The following KIF4A variants were observed in gnomAD, a reference collection of about 807,000 sequenced individuals.
The protein encoded by KIF4A is chromosome-associated kinesin KIF4A.
KIF4A carries 7 observed loss-of-function variants against 105.9 expected under a neutral mutation model. The observed-to-expected ratio is 0.07, with a 90% CI of 0.04 to 0.12. KIF4A has a LOEUF of 0.12. KIF4A is among the 10% of genes least tolerant of loss of function. The probability of loss-of-function intolerance (pLI) is 1.00; values close to 1 mark genes in which losing one functional copy is unlikely to be tolerated. For synonymous variants in KIF4A, 281 were observed against 331.3 expected (o/e 0.85, Z 1.65); for missense variants, 558 against 929.2 (o/e 0.60, Z 5.19).
chrX:70,368,291 G>A (rs1157701226), intron 15 of KIF4A, among the ~76,000 whole-genome samples: 2 of 112,275 alleles, frequency 1.8e-5, no homozygotes, highest in African/African-American at 6.5e-5. Context: ...TTGCTGGTGA[G>A]GAGCTGCGTT....
intron 9 of KIF4A, among the ~76,000 whole-genome samples, chrX:70,332,541 C>T (rs1040635039): frequency 9.0e-6 from 1 of 111,491 alleles, no homozygotes. Flanking sequence ...GTGTATTATT[C>T]TCTCAAACTT....
At chrX:70,345,463 CAA>C (rs761709179) in intron 13 of KIF4A, among the ~76,000 whole-genome samples, 12 of 59,962 alleles carry the variant, frequency 2.0e-4, no homozygotes, top group Admixed American at 5.8e-4. Context: ...GACTTCATCT[CAA>C]AAAAAAAAAA....
At chrX:70,390,723 G>A (rs898982398) in intron 20 of KIF4A, among the ~76,000 whole-genome samples, 1 of 111,543 alleles carries the variant, frequency 9.0e-6, no homozygotes, top group Admixed American at 9.6e-5. Context: ...CAACAATCAA[G>A]ATACAGAATA....
At chrX:70,333,207 C>T (rs1339146000) in intron 9 of KIF4A, among the ~76,000 whole-genome samples, 11 of 107,913 alleles carry the variant, frequency 1.0e-4, no homozygotes, top group Admixed American at 2.0e-4. Context: ...GGTGTGTTGG[C>T]GGGCGCCTGT....
At chrX:70,374,334 C>G in intron 16 of KIF4A, 80 bp downstream of exon 16, 1 of 570,564 alleles carries the variant, frequency 1.8e-6, no homozygotes. Flanking sequence ...AAGTAGAAGT[C>G]CCATTTACTG....
At chrX:70,406,870 C>G in intron 27 of KIF4A, 23 bp from the exon 28 acceptor site, 1 of 1,202,442 alleles carries the variant, frequency 8.3e-7, no homozygotes, top group Non-Finnish European at 1.1e-6. Context: ...AATAACTAAA[C>G]TACTCCAAAC....
At chrX:70,341,776 A>C (rs772463726) in intron 10 of KIF4A, 23 bp from the exon 11 acceptor site, 1 of 1,192,733 alleles carries the variant, frequency 8.4e-7, no homozygotes, top group East Asian at 3.0e-5. Context: ...TATTTTTCTA[A>C]TATGTTATTT....
At chrX:70,336,006 G>T (rs1217684605) in intron 10 of KIF4A, among the ~76,000 whole-genome samples, 1 of 111,392 alleles carries the variant, frequency 9.0e-6, no homozygotes, top group Non-Finnish European at 1.9e-5. Context: ...TTAGTTTCTG[G>T]TTTAGCCTTC....
intron 18 of KIF4A, among the ~76,000 whole-genome samples, chrX:70,382,562 A>G (rs750916247): frequency 8.9e-6 from 1 of 112,665 alleles, no homozygotes; most frequent in South Asian, 3.6e-4. Context: ...TTAGACAATG[A>G]TTTCTTAGAT....
rs1269671128 is a variant in KIF4A at position 70,371,812 on chromosome X, C to T, written c.1675-2339C>T. ...GGGGCTCCTCACTTCTCAGATGGGG[C>T]GGCTGCCGGGCGGAGGGGCTCCTCA... On this transcript the variant is annotated intron_variant, in intron 15 of 30. Transcript: ENST00000374403. Among the ~76,000 whole-genome samples the T allele has an allele frequency of 2.7e-4, 27 of 100,771 alleles. 1 individual carries two copies. The highest frequency in any genetic ancestry group is 6.8e-4 in the East Asian group (2 of 2,948). 87.5% of individuals were successfully genotyped at this position (100,771 alleles called of 115,157 possible).
intron 3 of KIF4A, 148 bp from the exon 4 acceptor site, chrX:70,296,850 G>A: frequency 1.6e-6 from 1 of 625,071 alleles, no homozygotes; most frequent in Non-Finnish European, 2.4e-6. Flanking sequence ...GGTACCCACA[G>A]AACTTTTCTT....
At chrX:70,405,732 C>T in intron 25 of KIF4A, 96 bp from the exon 26 acceptor site, 1 of 614,260 alleles carries the variant, frequency 1.6e-6, no homozygotes, top group Non-Finnish European at 2.7e-6. Flanking sequence ...CTGCCAGCAA[C>T]TTGGCAGCAG....
chrX:70,339,145 G>T lies in KIF4A; in HGVS notation c.1134-2654G>T, dbSNP rs183757622. ...CATGTTTTCTTCTAGTAATAATGTC[G>T]TTTTATGTTTTACATTTCATTTTGG... On this transcript the variant is annotated intron_variant, in intron 10 of 30. Coordinates refer to ENST00000374403, the MANE Select transcript of KIF4A (RefSeq NM_012310.5). Among the ~76,000 whole-genome samples, 215 of 109,145 alleles carry T rather than the reference G, an allele frequency of 2.0e-3. 2 individuals are homozygous for T. Among genetic ancestry groups the T allele is most frequent in the Middle Eastern group, 4.8e-3 (1 of 209 alleles). The allele number at this position is 109,145 out of a possible 115,157, so 94.8% of individuals were successfully genotyped here.
intron 3 of KIF4A, among the ~76,000 whole-genome samples, chrX:70,295,831 C>T (rs938321258): frequency 5.6e-5 from 6 of 107,098 alleles, no homozygotes; most frequent in Non-Finnish European, 1.2e-4. Context: ...GCAGGAGAAT[C>T]GCTTGAACCC....
intron 15 of KIF4A, among the ~76,000 whole-genome samples, 172 bp from the exon 16 acceptor site, chrX:70,373,979 A>G (rs1032523741): frequency 2.8e-5 from 3 of 106,259 alleles, no homozygotes; most frequent in Middle Eastern, 4.8e-3. Context: ...CAGATTCCAA[A>G]CATTTCCTAC....
chrX:70,419,538 A>G lies in KIF4A; in HGVS notation c.3373-123A>G, dbSNP rs1308316814. The stretch of plus-strand genomic sequence containing the variant: ...TGACCTCCCCAAGCAGGGCCTCCCT[A>G]AGACTTGCTTCAGCTGACTAATCAG... On this transcript the variant is annotated intron_variant, in intron 29 of 30. Coordinates refer to ENST00000374403, the MANE Select transcript of KIF4A (RefSeq NM_012310.5). 3.5e-6 allele frequency: 3 copies of G among 851,349 alleles called. No individual in the cohort carries two copies. In the African/African-American group the frequency reaches 6.0e-5, roughly 17 times the overall value. 70.2% of individuals were successfully genotyped at this position (851,349 alleles called of 1,213,427 possible). A position where few individuals can be genotyped will look rare whatever the true frequency, so the allele number is the denominator to read the frequency against.
At chrX:70,362,395 G>A in intron 15 of KIF4A, 1 of 210,827 alleles carries the variant, frequency 4.7e-6, no homozygotes, top group South Asian at 7.7e-5. Flanking sequence ...CCAGTGCTGG[G>A]TGCCCCGCCC....
At position 70,404,815 on chromosome X, in the gene KIF4A, A is replaced by G; in HGVS notation, c.2891A>G (p.Lys964Arg). Residue 964 changes from lysine (K) to arginine (R), a missense_variant, in exon 25 of 31, where the codon AAG (lysine) becomes AGG (arginine). By Grantham distance (26) the Lys-to-Arg change is conservative (BLOSUM62 2). This residue lies in a region of KIF4A where 469 missense variants were observed against 680.4 expected (regional missense o/e 0.69). Coordinates refer to ENST00000374403, the MANE Select transcript of KIF4A (RefSeq NM_012310.5). ...GAACAGCAGCTGCTGAGCACACTGA[A>G]GTGTCAGGTATGATCACGAGAGGTC... ...EKEQQLLSTLKCQDEELEKMR... is the reference protein window; with the variant it reads ...EKEQQLLSTLRCQDEELEKMR... 8.5e-7 allele frequency: 1 copy of G among 1,174,845 alleles called. No homozygotes were observed. The highest frequency in any genetic ancestry group is 1.2e-6 in the Non-Finnish European group (1 of 864,313).
intron 17 of KIF4A, 74 bp downstream of exon 17, chrX:70,375,422 A>G (rs190379783): frequency 9.7e-7 from 1 of 1,029,569 alleles, no homozygotes; most frequent in Admixed American, 2.5e-5. Context: ...GAAATATACT[A>G]GAGGTGTTTT....
Sources: gnomAD v4.1 joint callset for allele counts (sites outside exome capture counted in the v4.1 genomes callset) on GRCh38, gnomAD v4.1.1 for gene constraint, gnomAD v4.1.1 regional missense constraint, MANE v1.5 for transcripts, NCBI Gene and HGNC (gene_info 2026-07-23, HGNC 2026-07-21) for gene names.